BICC1: variants seen among roughly 807,000 people sequenced by gnomAD.
BICC1 encodes the protein protein bicaudal C homolog 1.
In BICC1, 43 loss-of-function variants were observed where a neutral mutation model predicts 111.0. The ratio of observed to expected loss-of-function variants is 0.39; its 90% CI spans 0.30 to 0.50. The LOEUF (loss-of-function observed/expected upper bound fraction) is 0.50, where lower values mean the gene tolerates loss of function less well. Among genes scored for constraint, BICC1 ranks in the 20% least tolerant of loss-of-function variants. The pLI is 0.88. For missense variants in BICC1, 1,091 were observed against 1,203.2 expected, an observed-to-expected ratio of 0.91 and a Z score of 1.38; for synonymous variants, 467 against 434.4, an observed-to-expected ratio of 1.07 and a Z score of -0.93.
intron 2 of BICC1, among the ~76,000 whole-genome samples, chr10:58,665,440 T>C (rs1838978694): frequency 6.6e-6 from 1 of 152,222 alleles, no homozygotes; most frequent in African/African-American, 2.4e-5. Context: ...ATTGTACTTG[T>C]TGAAGCCCGT....
intron 2 of BICC1, among the ~76,000 whole-genome samples, chr10:58,688,571 A>G (rs1370872548): frequency 6.6e-6 from 1 of 152,206 alleles, no homozygotes; most frequent in South Asian, 2.1e-4. Flanking sequence ...CTATAAAGAC[A>G]CATGCACACG....
intron 3 of BICC1, among the ~76,000 whole-genome samples, chr10:58,737,381 G>C (rs942426254): frequency 1.3e-4 from 20 of 152,250 alleles, no homozygotes; most frequent in Non-Finnish European, 2.6e-4. Context: ...AGTTTGCTGA[G>C]AATGATGGTT....
intron 1 of BICC1, among the ~76,000 whole-genome samples, chr10:58,518,720 A>G (rs1462871361): frequency 6.6e-6 from 1 of 152,054 alleles, no homozygotes; most frequent in Non-Finnish European, 1.5e-5. Flanking sequence ...GATTAAGTGA[A>G]AAAACACATC....
chr10:58,591,173 C>G (rs1844604827), intron 1 of BICC1, among the ~76,000 whole-genome samples: 1 of 152,118 alleles, frequency 6.6e-6, no homozygotes, highest in South Asian at 2.1e-4. Flanking sequence ...GCTGTTGAGT[C>G]ATAAGAAGAT....
chr10:58,727,497 G>GA (rs1841143549), intron 3 of BICC1, among the ~76,000 whole-genome samples: 2 of 151,800 alleles, frequency 1.3e-5, no homozygotes, highest in South Asian at 4.2e-4. Flanking sequence ...TGAGGCAGGG[G>GA]AATCACTTAA....
intron 2 of BICC1, among the ~76,000 whole-genome samples, chr10:58,688,451 A>C (rs974055647): frequency 6.6e-6 from 1 of 152,128 alleles, no homozygotes; most frequent in Non-Finnish European, 1.5e-5. Flanking sequence ...TCTTCCAGCT[A>C]GACAGAAAAT....
chr10:58,824,860 T>C (rs919527230), intron 20 of BICC1, among the ~76,000 whole-genome samples: 12 of 152,210 alleles, frequency 7.9e-5, no homozygotes, highest in African/African-American at 2.7e-4. Context: ...TGATTCTGTG[T>C]ACTTGCATGA....
chr10:58,647,079 T>C (rs1409280190), intron 2 of BICC1, among the ~76,000 whole-genome samples: 1 of 152,190 alleles, frequency 6.6e-6, no homozygotes, highest in Non-Finnish European at 1.5e-5. Context: ...CTTCCTATGG[T>C]AGATATACCT....
rs140923943 is a variant in BICC1, at chr10:58,589,087, C to T, written c.191-31768C>T. Among the ~76,000 whole-genome samples the T allele has an allele frequency of 2.8e-3, 432 of 152,310 alleles. 4 individuals are homozygous for T. Among genetic ancestry groups the T allele is most frequent in the African/African-American group, 9.6e-3 (398 of 41,580 alleles). ...TGCCCTCTACCGGTGACACCGGTGACGGTGATTGGTGGGTGAATACCATCT... is the reference window on the plus strand; with the variant it reads ...TGCCCTCTACCGGTGACACCGGTGATGGTGATTGGTGGGTGAATACCATCT... On this transcript the variant is annotated intron_variant, in intron 1 of 20. Coordinates refer to ENST00000373886, the MANE Select transcript of BICC1 (RefSeq NM_001080512.3).
chr10:58,682,940 G>A (rs1445903887), intron 2 of BICC1, among the ~76,000 whole-genome samples: 2 of 152,196 alleles, frequency 1.3e-5, no homozygotes, highest in Admixed American at 1.3e-4. Context: ...TGGTGTTTTA[G>A]TCATGAAGTC....
chr10:58,567,542 C>A (rs1036609224), intron 1 of BICC1, among the ~76,000 whole-genome samples: 3 of 150,834 alleles, frequency 2.0e-5, no homozygotes, highest in Non-Finnish European at 4.4e-5. Context: ...ATATATATAT[C>A]TCTTTTAGGG....
chr10:58,777,868 G>A (rs896899842), intron 3 of BICC1, among the ~76,000 whole-genome samples: 1 of 152,066 alleles, frequency 6.6e-6, no homozygotes, highest in African/African-American at 2.4e-5. Context: ...TGCACTGCTT[G>A]CTGTCTGTTC....
chr10:58,736,866 G>A (rs970356140), intron 3 of BICC1, among the ~76,000 whole-genome samples: 3 of 152,174 alleles, frequency 2.0e-5, no homozygotes, highest in East Asian at 1.9e-4. Context: ...ATTATTTGTC[G>A]TATTCAGCCA....
chr10:58,643,892 G>T (rs910658851), intron 2 of BICC1, among the ~76,000 whole-genome samples: 21 of 152,230 alleles, frequency 1.4e-4, no homozygotes, highest in African/African-American at 5.1e-4. Flanking sequence ...ACACTGCAGT[G>T]TGTGTCTGGC....
intron 2 of BICC1, among the ~76,000 whole-genome samples, chr10:58,675,510 A>G (rs1416961350): frequency 1.3e-5 from 2 of 152,214 alleles, no homozygotes; most frequent in African/African-American, 4.8e-5. Context: ...AGTGAAATAA[A>G]CCAGACATGG....
At chr10:58,693,985 A>G (rs549659342) in intron 2 of BICC1, among the ~76,000 whole-genome samples, 1 of 152,142 alleles carries the variant, frequency 6.6e-6, no homozygotes, top group East Asian at 1.9e-4. Context: ...TAGGGTTTTT[A>G]TGGTTTTAGG....
At chr10:58,758,079 AT>A (rs898175459) in intron 3 of BICC1, among the ~76,000 whole-genome samples, 46 of 152,290 alleles carry the variant, frequency 3.0e-4, no homozygotes, top group African/African-American at 1.0e-3. Context: ...TTAAAAAAAA[AT>A]ATATGTAGTT....
intron 2 of BICC1, among the ~76,000 whole-genome samples, chr10:58,687,269 G>A (rs371380026): frequency 1.3e-5 from 2 of 152,070 alleles, no homozygotes; most frequent in Admixed American, 6.5e-5. Flanking sequence ...TGTATGACAT[G>A]TGAGTCGGCC....
At chr10:58,798,199 T>C (rs1319492846) in intron 10 of BICC1, among the ~76,000 whole-genome samples, 200 bp from the exon 11 acceptor site, 1 of 152,192 alleles carries the variant, frequency 6.6e-6, no homozygotes, top group African/African-American at 2.4e-5. Context: ...AGCAACTCTT[T>C]GTGGATAAGC....
Sources: gnomAD v4.1 joint callset for allele counts (sites outside exome capture counted in the v4.1 genomes callset) on GRCh38, gnomAD v4.1.1 for gene constraint, MANE v1.5 for transcripts, NCBI Gene and HGNC (gene_info 2026-07-23, HGNC 2026-07-21) for gene names.